RAPGEFL1: variants seen among roughly 807,000 people sequenced by gnomAD.
RAPGEFL1 encodes the protein Rap guanine nucleotide exchange factor like 1, also known as rap guanine nucleotide exchange factor-like 1.
In RAPGEFL1, 31 loss-of-function variants were observed where a neutral mutation model predicts 64.4. That is an observed-to-expected ratio of 0.48 (90% CI 0.36 to 0.65). The LOEUF is 0.65. Ranked by LOEUF, RAPGEFL1 falls within the 30% of genes least tolerant of loss-of-function variation. The probability of loss-of-function intolerance (pLI) is 0.00; values close to 1 mark genes in which losing one functional copy is unlikely to be tolerated. For missense variants in RAPGEFL1, 682 were observed against 677.4 expected, an observed-to-expected ratio of 1.01 and a Z score of -0.08; for synonymous variants, 331 against 274.1, an observed-to-expected ratio of 1.21 and a Z score of -2.05.
rs1728915727 is a variant in RAPGEFL1 at position 40,188,962 on chromosome 17, CCGGG to C, written c.931_934del (p.Arg311AlafsTer17). The C allele has an allele frequency of 6.2e-7, 1 of 1,614,016 alleles. No homozygotes were observed. Among genetic ancestry groups the C allele is most frequent in the African/African-American group, 1.3e-5 (1 of 74,924 alleles). On this transcript the variant is annotated frameshift_variant, in exon 5 of 15. Transcript: ENST00000620260. LOFTEE classifies it high-confidence loss of function. ...CCTGTCTGCAGACCCGGGTGGCCTT[CCGGG>C]GCTCTGATGAGAGTGAGTGTGGGCA...
At position 40,178,049 on chromosome 17, in the gene RAPGEFL1, T is replaced by TGCTCCCCGCTTTCCTCCGGGA; in HGVS notation, c.191_211dup (p.Leu64_Glu70dup). 1.7e-6 allele frequency: 1 copy of TGCTCCCCGCTTTCCTCCGGGA among 596,028 alleles called. No individual in the cohort carries two copies. Among genetic ancestry groups the TGCTCCCCGCTTTCCTCCGGGA allele is most frequent in the Non-Finnish European group, 3.0e-6 (1 of 337,644 alleles). The allele number at this position is 596,028 out of a possible 1,614,324, so 36.9% of individuals were successfully genotyped here. On this transcript the variant is annotated inframe_insertion, in exon 1 of 15. Transcript: ENST00000620260. ...CGGCGTCAGAGCGTGTCTCGCCTGC[T>TGCTCCCCGCTTTCCTCCGGGA]GCTCCCCGCTTTCCTCCGGGAGCCC...
chr17:40,181,275 T>G, intron 1 of RAPGEFL1: 4 of 481,718 alleles, frequency 8.3e-6, no homozygotes, highest in South Asian at 6.2e-5. Flanking sequence ...TGGAGACACT[T>G]CTGTGGGCTA....
chr17:40,193,883 T>G lies in RAPGEFL1; in HGVS notation c.*95T>G. 6.6e-7 allele frequency: 1 copy of G among 1,522,448 alleles called. No homozygotes were observed. 94.3% of individuals were successfully genotyped at this position (1,522,448 alleles called of 1,614,324 possible). On this transcript the variant is annotated 3_prime_UTR_variant, in exon 15 of 15. Transcript: ENST00000620260. ...CAACCAACATCTGACATCTTTCCCG[T>G]GGAGCAACTTCCTGCTCCACGGGAA...
chr17:40,192,617 G>C lies in RAPGEFL1; in HGVS notation c.1668G>C (p.Arg556Ser). ...RKFENLTDPCRNHKSYREVIS... is the reference protein window; with the variant it reads ...RKFENLTDPCSNHKSYREVIS... ...CTGTGGAATACTAGGACCCCTGCAGGAACCACAAAAGCTACCGAGAAGTGA... is the reference window on the plus strand; with the variant it reads ...CTGTGGAATACTAGGACCCCTGCAGCAACCACAAAAGCTACCGAGAAGTGA... Residue 556 changes from arginine (R) to serine (S), a missense_variant, in exon 12 of 15, where the codon AGG becomes AGC. By Grantham distance (110) the Arg-to-Ser change is moderately radical. Around this residue, in one of 2 missense-constraint regions of RAPGEFL1, gnomAD observed 411 missense variants for 519.4 expected, o/e 0.79. Transcript: ENST00000620260. The C allele has an allele frequency of 1.2e-6, 2 of 1,613,604 alleles. No individual in the cohort carries two copies. The highest frequency in any genetic ancestry group is 1.7e-6 in the Non-Finnish European group (2 of 1,179,744).
intron 4 of RAPGEFL1, among the ~76,000 whole-genome samples, chr17:40,185,499 G>A (rs1410461918): frequency 7.3e-6 from 1 of 137,888 alleles, no homozygotes; most frequent in Non-Finnish European, 1.5e-5. Context: ...GGCTAACATT[G>A]TGAAACCCTG....
intron 14 of RAPGEFL1, 91 bp downstream of exon 14, chr17:40,193,508 C>A: frequency 1.3e-6 from 2 of 1,561,576 alleles, no homozygotes; most frequent in South Asian, 2.2e-5. Context: ...ATGTGTATTT[C>A]CATACACTTG....
rs72836629 is a variant in RAPGEFL1 at position 40,191,951 on chromosome 17, C to G, written c.1606-262C>G. Among the ~76,000 whole-genome samples, 1 of 152,226 alleles carries G rather than the reference C, an allele frequency of 6.6e-6. No individual in the cohort carries two copies. Among genetic ancestry groups the G allele is most frequent in the Non-Finnish European group, 1.5e-5 (1 of 68,044 alleles). ...CTGTGGGAGTTGGGCTGATTTTCAT[C>G]CACACTCAGTGGGGGCATCTTTATA... On this transcript the variant is annotated intron_variant, in intron 10 of 14. Transcript: ENST00000620260. This position sits in a 1 kb window ranked among gnomAD's most constrained non-coding sequence, Gnocchi z 5.1.
At position 40,191,308 on chromosome 17, in the gene RAPGEFL1, G is replaced by C. The variant is rs1160512862; in HGVS notation, c.1336-8G>C. The C allele has an allele frequency of 2.6e-6, 4 of 1,564,368 alleles. No individual in the cohort carries two copies. The highest frequency in any genetic ancestry group is 3.4e-6 in the Non-Finnish European group (4 of 1,165,120). ...GCCCTGGCCGCCCCTCCGCTGCCGT[G>C]GGTGCAGCTGGAGTTCGTGGACTAC... On this transcript the variant is annotated splice_region_variant and splice_polypyrimidine_tract_variant and intron_variant, in intron 8 of 14. Coordinates refer to ENST00000620260, the MANE Select transcript of RAPGEFL1 (RefSeq NM_016339.6). This position sits in a 1 kb window ranked among gnomAD's most constrained non-coding sequence, Gnocchi z 5.1.
chr17:40,188,444 C>A, intron 4 of RAPGEFL1: 1 of 200,372 alleles, frequency 5.0e-6, no homozygotes, highest in South Asian at 8.6e-5. Context: ...CAAAATTCAG[C>A]AAACAGCTGC....
chr17:40,194,077 A>G lies in RAPGEFL1; in HGVS notation c.*289A>G, dbSNP rs903413683. ...CCTCCCATCGAGATCTGTTCTGGGGATGGAGCTTCCAACTTCCTCTTGCAG... is the reference window on the plus strand; with the variant it reads ...CCTCCCATCGAGATCTGTTCTGGGGGTGGAGCTTCCAACTTCCTCTTGCAG... On this transcript the variant is annotated 3_prime_UTR_variant, in exon 15 of 15. Coordinates refer to ENST00000620260, the MANE Select transcript of RAPGEFL1 (RefSeq NM_016339.6). 3.3e-6 allele frequency: 1 copy of G among 306,002 alleles called. No individual in the cohort carries two copies. The highest frequency in any genetic ancestry group is 4.4e-5 in the Admixed American group (1 of 22,602). The allele number at this position is 306,002 out of a possible 1,614,324, so 19.0% of individuals were successfully genotyped here. A position where few individuals can be genotyped will look rare whatever the true frequency, so the allele number is the denominator to read the frequency against.
intron 1 of RAPGEFL1, among the ~76,000 whole-genome samples, chr17:40,179,130 C>G (rs1160444689): frequency 1.3e-5 from 2 of 151,760 alleles, no homozygotes; most frequent in South Asian, 4.2e-4. Context: ...GCAGTGGCGC[C>G]ATCTCAGCTC....
intron 2 of RAPGEFL1, among the ~76,000 whole-genome samples, chr17:40,182,742 C>G (rs761130961): frequency 6.6e-6 from 1 of 152,176 alleles, no homozygotes; most frequent in Non-Finnish European, 1.5e-5. Context: ...TCAGTAGGGT[C>G]CGCTAGAGAG....
In RAPGEFL1 at chr17:40,178,195, G is replaced by A. The variant is rs1479257387; in HGVS notation, c.334G>A (p.Gly112Arg). Residue 112 changes from glycine to arginine, a missense_variant, in exon 1 of 15, where the codon GGG becomes AGG. By Grantham distance (125) the Gly-to-Arg change is moderately radical. Around this residue, in one of 2 missense-constraint regions of RAPGEFL1, gnomAD observed 271 missense variants for 158.0 expected, o/e 1.72. Coordinates refer to ENST00000620260, the MANE Select transcript of RAPGEFL1 (RefSeq NM_016339.6). ...GCAGCTGGAGGAGGTGCCGGGGCCC[G>A]GGCCTCTCGGGGGAGGGGGGCCCCT... ...WLQLEEVPGP[G>R]PLGGGGPLRS... 2.9e-5 allele frequency: 16 copies of A among 553,134 alleles called. No individual in the cohort carries two copies. Among genetic ancestry groups the A allele is most frequent in the Middle Eastern group, 6.5e-4 (2 of 3,058 alleles). 34.3% of individuals were successfully genotyped at this position (553,134 alleles called of 1,614,324 possible).
Position 40,184,345 on chromosome 17 carries a change from T to C in RAPGEFL1, c.731T>C (p.Ile244Thr), listed in dbSNP as rs1989994438. The C allele has an allele frequency of 4.3e-6, 7 of 1,609,354 alleles. No homozygotes were observed. The highest frequency in any genetic ancestry group is 5.9e-6 in the Non-Finnish European group (7 of 1,178,314). ...GAGGAAGAGGGGGCCGGCCACATCA[T>C]CAAGGTGGGCCTGGGGGAAGAGAAG... ...LQEEEGAGHIIKDLYLLIMKD... is the reference protein window; with the variant it reads ...LQEEEGAGHITKDLYLLIMKD... Residue 244 changes from isoleucine to threonine, a missense_variant, in exon 3 of 15, where the codon ATC (isoleucine) becomes ACC (threonine). Transcript: ENST00000620260.
At chr17:40,189,613 A>G (rs1446003635) in intron 6 of RAPGEFL1, among the ~76,000 whole-genome samples, 1 of 151,808 alleles carries the variant, frequency 6.6e-6, no homozygotes, top group Non-Finnish European at 1.5e-5. Context: ...GCTTGAGCCC[A>G]GGAATCCAAG....
intron 4 of RAPGEFL1, among the ~76,000 whole-genome samples, chr17:40,187,892 C>T (rs865828621): frequency 3.4e-5 from 5 of 144,956 alleles, no homozygotes; most frequent in African/African-American, 1.3e-4. Context: ...AGATTACAGG[C>T]GTGAGCCACC....
Position 40,190,526 on chromosome 17 carries a change from G to C in RAPGEFL1, c.1207G>C (p.Ala403Pro). Reference protein sequence around the residue: ...LFACTRDSYEALVPLPEEIQV... With the variant: ...LFACTRDSYEPLVPLPEEIQV... ...TGCCTGTACTCGGGACAGCTATGAG[G>C]CTCTGGTAAGAACTTCCCAAGGCCT... The change falls in exon 7 of 15, where the codon GCT (alanine) becomes CCT (proline). Residue 403 changes from alanine (A) to proline (P), a missense_variant. Physicochemically the swap from Ala to Pro is conservative, Grantham distance 27. Coordinates refer to ENST00000620260, the MANE Select transcript of RAPGEFL1 (RefSeq NM_016339.6). The C allele has an allele frequency of 6.2e-7, 1 of 1,614,192 alleles. No individual in the cohort carries two copies.
In RAPGEFL1 at chr17:40,189,495, C is replaced by G. The variant is rs192082168; in HGVS notation, c.1114+120C>G. On this transcript the variant is annotated intron_variant, in intron 6 of 14. Coordinates refer to ENST00000620260, the MANE Select transcript of RAPGEFL1 (RefSeq NM_016339.6). ...TGCTACTCAAAGTATGGTCCCGGGA[C>G]AAGCCTCATGTGCATCGCCTGGGAA... is the stretch of plus-strand genomic sequence containing the variant. The G allele has an allele frequency of 8.4e-5, 99 of 1,173,262 alleles. 1 individual carries two copies. The East Asian group carries it at 2.3e-3, about 28-fold the overall frequency. The allele number at this position is 1,173,262 out of a possible 1,614,324, so 72.7% of individuals were successfully genotyped here. A position where few individuals can be genotyped will look rare whatever the true frequency, so the allele number is the denominator to read the frequency against.
chr17:40,182,557 G>A (rs375735287), intron 2 of RAPGEFL1, among the ~76,000 whole-genome samples: 5 of 152,142 alleles, frequency 3.3e-5, no homozygotes, highest in East Asian at 3.9e-4. Context: ...CAAGTGATTC[G>A]CCTGCCTTGG....
Sources: gnomAD v4.1 joint callset for allele counts (sites outside exome capture counted in the v4.1 genomes callset) on GRCh38, gnomAD v4.1.1 for gene constraint, gnomAD v4.1.1 regional missense constraint, Gnocchi (gnomAD v3.1) non-coding constraint, MANE v1.5 for transcripts, NCBI Gene and HGNC (gene_info 2026-07-23, HGNC 2026-07-21) for gene names.